Variants in THSD7B observed in about 807,000 individuals in gnomAD.
THSD7B encodes thrombospondin type 1 domain containing 7B.
THSD7B carries 138 observed loss-of-function variants against 213.6 expected under a neutral mutation model. The observed-to-expected ratio is 0.65, with a 90% CI of 0.56 to 0.74. The LOEUF is 0.74. Among genes scored for constraint, THSD7B ranks in the 30% least tolerant of loss-of-function variants. The pLI is 0.00. For missense variants in THSD7B, 1,931 were observed against 1,991.5 expected, an observed-to-expected ratio of 0.97 and a Z score of 0.58; for synonymous variants, 742 against 687.0, an observed-to-expected ratio of 1.08 and a Z score of -1.25.
At chr2:137,216,512 C>A (rs1324072991) in intron 7 of THSD7B, among the ~76,000 whole-genome samples, 4 of 151,892 alleles carry the variant, frequency 2.6e-5, no homozygotes, top group African/African-American at 9.7e-5. Context: ...GAACAGAGTC[C>A]CTTTTCCATG....
chr2:137,270,195 A>T lies in THSD7B; in HGVS notation c.2267-2338A>T, dbSNP rs193182836. 9.6e-4 allele frequency among the ~76,000 whole-genome samples: 146 copies of T among 152,206 alleles called. 1 individual carries two copies. The highest frequency in any genetic ancestry group is 3.4e-3 in the African/African-American group (141 of 41,524). ...AGAGATGGAATCTGGTGAAATAAAT[A>T]CCTTGATGTCTCTATCCCTCCTCTT... On this transcript the variant is annotated intron_variant, in intron 10 of 27. Transcript: ENST00000409968.
At chr2:137,670,811 C>T (rs1683550939) in intron 27 of THSD7B, among the ~76,000 whole-genome samples, 1 of 151,674 alleles carries the variant, frequency 6.6e-6, no homozygotes, top group African/African-American at 2.4e-5. Flanking sequence ...GTCCCAGCTA[C>T]TCCGGAGGCT....
chr2:137,315,466 T>C (rs549414496), intron 12 of THSD7B, among the ~76,000 whole-genome samples: 2 of 152,166 alleles, frequency 1.3e-5, no homozygotes, highest in Non-Finnish European at 2.9e-5. Flanking sequence ...ATCACCCGTC[T>C]TCTGCGTCGC....
At chr2:137,371,879 A>T (rs1347690431) in intron 12 of THSD7B, among the ~76,000 whole-genome samples, 1 of 152,144 alleles carries the variant, frequency 6.6e-6, no homozygotes, top group African/African-American at 2.4e-5. Context: ...CTTCAGTTTA[A>T]TAGTTTTAGT....
intron 2 of THSD7B, among the ~76,000 whole-genome samples, chr2:137,018,578 T>C (rs1686385750): frequency 6.6e-6 from 1 of 152,208 alleles, no homozygotes; most frequent in African/African-American, 2.4e-5. Context: ...TTCCATTGTA[T>C]ACTTATAAAT....
chr2:137,259,155 T>G (rs908873029), intron 10 of THSD7B, among the ~76,000 whole-genome samples: 1 of 152,200 alleles, frequency 6.6e-6, no homozygotes, highest in African/African-American at 2.4e-5. Context: ...TACATGTGCA[T>G]GTATCTTTAT....
chr2:137,178,651 CAG>C (rs1360051067), intron 7 of THSD7B, among the ~76,000 whole-genome samples: 8 of 152,172 alleles, frequency 5.3e-5, no homozygotes, highest in East Asian at 1.9e-4. Context: ...TCATTCTAAT[CAG>C]AGTTTCCCCA....
intron 3 of THSD7B, among the ~76,000 whole-genome samples, chr2:137,061,658 T>C (rs529919691): frequency 2.0e-5 from 3 of 152,008 alleles, no homozygotes; most frequent in African/African-American, 7.2e-5. Context: ...TGTTATGGAT[T>C]ACATTAATTG....
In THSD7B at chr2:137,469,966, AT is replaced by A. The variant is rs771872242; in HGVS notation, c.3138+18946del. Among the ~76,000 whole-genome samples, 4 of 152,350 alleles carry A rather than the reference AT, an allele frequency of 2.6e-5. No homozygotes were observed. In the South Asian group the frequency reaches 8.3e-4, roughly 32 times the overall value. On this transcript the variant is annotated intron_variant, in intron 15 of 27. Transcript: ENST00000409968. ...CATACCAGATGTTTCAAATGGTTAGATTTGGGGGAAAACATACAATTAATTT... is the reference window on the plus strand; with the variant it reads ...CATACCAGATGTTTCAAATGGTTAGATTGGGGGAAAACATACAATTAATTT...
chr2:137,276,530 A>T (rs991243574), intron 12 of THSD7B, among the ~76,000 whole-genome samples: 4 of 152,104 alleles, frequency 2.6e-5, no homozygotes, highest in Non-Finnish European at 5.9e-5. Context: ...GGAAGTAGTA[A>T]AATTTCTGGA....
chr2:137,545,908 C>T (rs1680699186), intron 15 of THSD7B, among the ~76,000 whole-genome samples: 1 of 151,702 alleles, frequency 6.6e-6, no homozygotes, highest in Non-Finnish European at 1.5e-5. Context: ...GGGCTGACCA[C>T]ATTGAATATT....
At chr2:137,643,999 G>T (rs1235351995) in intron 21 of THSD7B, among the ~76,000 whole-genome samples, 1 of 152,144 alleles carries the variant, frequency 6.6e-6, no homozygotes. Flanking sequence ...GCTATGTTTT[G>T]CTGTCAAATG....
intron 3 of THSD7B, among the ~76,000 whole-genome samples, chr2:137,073,125 A>T (rs1421491669): frequency 1.3e-5 from 2 of 152,110 alleles, no homozygotes; most frequent in Non-Finnish European, 2.9e-5. Flanking sequence ...TCATAAAATG[A>T]GTTAGGGAGG....
intron 1 of THSD7B, among the ~76,000 whole-genome samples, chr2:136,799,355 CA>C (rs993234098): frequency 1.2e-4 from 18 of 151,820 alleles, no homozygotes; most frequent in Admixed American, 9.9e-4. Context: ...TTCTTTTGAA[CA>C]GCAAGAACCA....
At chr2:137,431,064 G>A (rs138914765) in intron 14 of THSD7B, among the ~76,000 whole-genome samples, 23 of 152,258 alleles carry the variant, frequency 1.5e-4, no homozygotes, top group African/African-American at 5.1e-4. Context: ...GAGTGAACGT[G>A]GCCCATAACA....
Position 137,272,550 on chromosome 2 carries a change from C to T in THSD7B, c.2284C>T (p.Gln762Ter). The T allele has an allele frequency of 6.2e-7, 1 of 1,609,730 alleles. No individual in the cohort carries two copies. Among genetic ancestry groups the T allele is most frequent in the Non-Finnish European group, 8.5e-7 (1 of 1,178,288 alleles). The change falls in exon 11 of 28, where the codon CAG (glutamine) becomes TAG (stop). Residue 762 changes from glutamine to a stop codon, truncating the protein, a stop_gained. Coordinates refer to ENST00000409968, the MANE Select transcript of THSD7B (RefSeq NM_001316349.2). LOFTEE classifies it high-confidence loss of function. ...TACTTCAGGAAATGCCACAGTAAAA[C>T]AGTCTCGATACAGAATCATCATCCA... ...MCQAGNATVK[Q>*]SRYRIIIQEA...
intron 2 of THSD7B, among the ~76,000 whole-genome samples, chr2:136,967,948 G>A (rs75309657): frequency 0.013 from 2,028 of 152,164 alleles, 32 homozygotes; most frequent in East Asian, 0.075. Flanking sequence ...GTATCACGTC[G>A]CTGTATGTTT....
intron 26 of THSD7B, among the ~76,000 whole-genome samples, chr2:137,667,550 T>A (rs1683473208): frequency 6.6e-6 from 1 of 152,200 alleles, no homozygotes; most frequent in East Asian, 1.9e-4. Context: ...ATTCCTATGA[T>A]GTTCTAAGAG....
chr2:137,422,441 T>G (rs1029108781), intron 14 of THSD7B, among the ~76,000 whole-genome samples: 1 of 152,218 alleles, frequency 6.6e-6, no homozygotes, highest in Admixed American at 6.5e-5. Flanking sequence ...AAGGGCTTAC[T>G]GATGAATTCT....
Sources: gnomAD v4.1 joint callset for allele counts (sites outside exome capture counted in the v4.1 genomes callset) on GRCh38, gnomAD v4.1.1 for gene constraint, MANE v1.5 for transcripts, NCBI Gene and HGNC (gene_info 2026-07-23, HGNC 2026-07-21) for gene names.